XDH: variants seen among roughly 807,000 people sequenced by gnomAD.
XDH encodes the protein xanthine dehydrogenase.
Under a neutral mutation model 156.1 loss-of-function variants are expected in XDH, and 138 were observed. The observed-to-expected ratio is 0.88, with a 90% CI of 0.77 to 1.02. XDH has a LOEUF of 1.02. Among genes scored for constraint, XDH ranks in the 50% least tolerant of loss-of-function variants. The pLI is 0.00. For missense variants in XDH, 1,849 were observed against 1,684.9 expected (o/e 1.10, Z -1.71); for synonymous variants, 669 against 625.7 (o/e 1.07, Z -1.03).
intron 31 of XDH, among the ~76,000 whole-genome samples, chr2:31,343,255 C>A (rs1685172066): frequency 1.7e-5 from 2 of 117,702 alleles, no homozygotes; most frequent in Non-Finnish European, 3.4e-5. Flanking sequence ...TATTAAAAAC[C>A]TAGAAAGCAT....
intron 6 of XDH, among the ~76,000 whole-genome samples, chr2:31,393,855 A>T (rs1686836176): frequency 6.7e-6 from 1 of 149,998 alleles, no homozygotes; most frequent in African/African-American, 2.5e-5. Flanking sequence ...TTTTTAACTA[A>T]TCCAAGTCCA....
chr2:31,375,398 G>A lies in XDH; in HGVS notation c.1584C>T (p.Gly528=), dbSNP rs888508889. ...KFYLTVLQKL[G]QENLEDKCGK... is the part of the protein sequence containing the mutation. ...CACTCACGTCTTCCAGGTTCTCTTG[G>A]CCCAGCTTCTGAAGGACTGTCAGGT... Residue 528 remains glycine (G), a synonymous_variant, in exon 15 of 36, where the codon GGC becomes GGT. Coordinates refer to ENST00000379416, the MANE Select transcript of XDH (RefSeq NM_000379.4). 1.2e-6 allele frequency: 2 copies of A among 1,614,142 alleles called. No individual in the cohort carries two copies. The highest frequency in any genetic ancestry group is 1.7e-5 in the Admixed American group (1 of 60,024).
At chr2:31,402,948 T>G in intron 3 of XDH, 100 bp downstream of exon 3, 1 of 1,293,604 alleles carries the variant, frequency 7.7e-7, no homozygotes, top group Non-Finnish European at 1.1e-6. Flanking sequence ...GGCTCACACA[T>G]GCGCACATGC....
Position 31,379,902 on chromosome 2 carries a change from T to C in XDH, c.1207A>G (p.Ile403Val), listed in dbSNP as rs763501615. Reference protein sequence around the residue: ...YRKTLLSPEEILLSIEIPYSR... With the variant: ...YRKTLLSPEEVLLSIEIPYSR... ...TAGGGGATCTCTATGGAGAGCAGTA[T>C]CTCCTCCGGGCTCAGCAGGGTCTTT... Residue 403 changes from isoleucine (I) to valine (V), a missense_variant, in exon 13 of 36, where the codon ATA becomes GTA. Transcript: ENST00000379416. The C allele has an allele frequency of 3.7e-6, 6 of 1,614,126 alleles. No individual in the cohort carries two copies. In the South Asian group the frequency reaches 5.5e-5, roughly 15 times the overall value.
chr2:31,363,646 A>G (rs1685834704), intron 24 of XDH, among the ~76,000 whole-genome samples: 1 of 152,180 alleles, frequency 6.6e-6, no homozygotes, highest in African/African-American at 2.4e-5. Flanking sequence ...TTTTTTAAAA[A>G]GCAATTCGAA....
At chr2:31,408,392 T>C (rs1461224526) in intron 1 of XDH, among the ~76,000 whole-genome samples, 2 of 152,204 alleles carry the variant, frequency 1.3e-5, no homozygotes, top group African/African-American at 4.8e-5. Flanking sequence ...TGCACTCCAT[T>C]GAACACTCTC....
At chr2:31,342,344 A>G (rs1685147824) in intron 31 of XDH, 47 bp from the exon 32 acceptor site, 6 of 1,512,798 alleles carry the variant, frequency 4.0e-6, no homozygotes, top group Non-Finnish European at 5.5e-6. Context: ...ACATGAACAC[A>G]CCCCCTTCCC....
At position 31,383,137 on chromosome 2, in the gene XDH, G is replaced by A. The variant is rs1229493389; in HGVS notation, c.902C>T (p.Ala301Val). The stretch of plus-strand genomic sequence containing the variant: ...TTCCACAATGCTCAGGGGGCAAGCA[G>A]CTCCAAAGGAGATACCTGGGAACGC... ...EHGPDGISFGAACPLSIVEKT... is the reference protein window; with the variant it reads ...EHGPDGISFGVACPLSIVEKT... The change falls in exon 11 of 36, where the codon GCT becomes GTT. Residue 301 changes from alanine (A) to valine (V), a missense_variant. Ala to Val is a moderately conservative substitution (Grantham distance 64, BLOSUM62 0). Transcript: ENST00000379416. 2 of 1,614,168 alleles carry A rather than the reference G, an allele frequency of 1.2e-6. No individual in the cohort carries two copies. Among genetic ancestry groups the A allele is most frequent in the Middle Eastern group, 1.6e-4 (1 of 6,062 alleles).
intron 21 of XDH, 28 bp downstream of exon 21, chr2:31,366,842 C>A (rs752426406): frequency 6.2e-7 from 1 of 1,613,620 alleles, no homozygotes; most frequent in Admixed American, 1.7e-5. Flanking sequence ...CCCTGACAGC[C>A]CCTTGAGCTG....
intron 1 of XDH, among the ~76,000 whole-genome samples, chr2:31,410,380 T>G (rs1318815697): frequency 2.0e-5 from 3 of 152,238 alleles, no homozygotes; most frequent in Non-Finnish European, 2.9e-5. Context: ...GTAAATTTTA[T>G]GTATTTTACC....
Position 31,336,026 on chromosome 2 carries a change from T to C in XDH, c.3952-18A>G. The C allele has an allele frequency of 6.2e-7, 1 of 1,614,030 alleles. No individual in the cohort carries two copies. Among genetic ancestry groups the C allele is most frequent in the Non-Finnish European group, 8.5e-7 (1 of 1,179,872 alleles). On this transcript the variant is annotated intron_variant, in intron 35 of 35. Coordinates refer to ENST00000379416, the MANE Select transcript of XDH (RefSeq NM_000379.4). ...GTGACACACTAGGAAGGAATGATAGTGTTCTCATTGCCAGGGTCTGCTGAT... is the reference window on the plus strand; with the variant it reads ...GTGACACACTAGGAAGGAATGATAGCGTTCTCATTGCCAGGGTCTGCTGAT...
chr2:31,350,123 G>A lies in XDH; in HGVS notation c.2732C>T (p.Ala911Val). 6.2e-7 allele frequency: 1 copy of A among 1,614,212 alleles called. No homozygotes were observed. Among genetic ancestry groups the A allele is most frequent in the Non-Finnish European group, 8.5e-7 (1 of 1,180,044 alleles). Reference protein sequence around the residue: ...LCKTNLPSNTAFRGFGGPQGM... With the variant: ...LCKTNLPSNTVFRGFGGPQGM... The stretch of plus-strand genomic sequence containing the variant: ...CTGGGGCCCCCCAAAGCCCCGGAAG[G>A]CCGTGTTGGAGGGAAGGTTGGTTTT... The change falls in exon 25 of 36, where the codon GCC (alanine) becomes GTC (valine). Residue 911 changes from alanine to valine, a missense_variant. Transcript: ENST00000379416.
At chr2:31,377,592 C>T (rs183068535) in intron 13 of XDH, among the ~76,000 whole-genome samples, 1 of 152,116 alleles carries the variant, frequency 6.6e-6, no homozygotes, top group Non-Finnish European at 1.5e-5. Context: ...CCTTACCTTC[C>T]CTACCCTGGT....
intron 13 of XDH, among the ~76,000 whole-genome samples, chr2:31,378,929 C>A (rs550226415): frequency 7.2e-5 from 11 of 152,026 alleles, no homozygotes; most frequent in African/African-American, 2.4e-4. Context: ...TACAGACAAG[C>A]TAGAAAACCA....
chr2:31,371,244 G>A (rs1229222366), intron 17 of XDH, among the ~76,000 whole-genome samples: 4 of 152,368 alleles, frequency 2.6e-5, no homozygotes, highest in East Asian at 1.9e-4. Context: ...GGAAAGGTAT[G>A]TAAACTGCCC....
Position 31,366,095 on chromosome 2 carries a change from T to C in XDH, c.2337A>G (p.Lys779=). The C allele has an allele frequency of 6.2e-7, 1 of 1,614,144 alleles. No homozygotes were observed. The highest frequency in any genetic ancestry group is 8.5e-7 in the Non-Finnish European group (1 of 1,180,020). Residue 779 remains lysine, a synonymous_variant, in exon 22 of 36, where the codon AAA becomes AAG. Coordinates refer to ENST00000379416, the MANE Select transcript of XDH (RefSeq NM_000379.4). ...NTMKTQSFVA[K]MLGVPANRIV... ...TCCGGTTTGCTGGAACCCCCAACAT[T>C]TTTGCAACAAAGCTCTGTGAGTGAA...
In XDH at chr2:31,383,817, A is replaced by G; in HGVS notation, c.824T>C (p.Phe275Ser). Residue 275 changes from phenylalanine (F) to serine (S), a missense_variant, in exon 10 of 36, where the codon TTT (phenylalanine) becomes TCT (serine). By Grantham distance (155) the Phe-to-Ser change is radical (BLOSUM62 -2). Transcript: ENST00000379416. ...CCAGGCTGGGCAGACAATCATAGGA[A>G]ACAGCATATTCTTGAACTTCATCTC... Reference protein sequence around the residue: ...GIEMKFKNMLFPMIVCPAWIP... With the variant: ...GIEMKFKNMLSPMIVCPAWIP... 6.2e-7 allele frequency: 1 copy of G among 1,614,112 alleles called. No homozygotes were observed. The highest frequency in any genetic ancestry group is 8.5e-7 in the Non-Finnish European group (1 of 1,180,020).
At chr2:31,339,336 C>A (rs1435854387) in intron 34 of XDH, among the ~76,000 whole-genome samples, 153 bp downstream of exon 34, 1 of 152,214 alleles carries the variant, frequency 6.6e-6, no homozygotes, top group African/African-American at 2.4e-5. Flanking sequence ...AACTATCCCA[C>A]TGCCCCTACC....
At chr2:31,382,977 C>T (rs763018016) in intron 11 of XDH, 24 bp downstream of exon 11, 13 of 1,613,914 alleles carry the variant, frequency 8.1e-6, no homozygotes, top group East Asian at 2.2e-5. Flanking sequence ...CTACGGGCCT[C>T]GCTTGCTTCT....
Sources: allele counts gnomAD v4.1 joint callset (sites outside exome capture counted in the v4.1 genomes callset), GRCh38; gene constraint gnomAD v4.1.1; transcripts MANE v1.5; gene names NCBI Gene and HGNC (gene_info 2026-07-23, HGNC 2026-07-21).